BORA: variants seen among roughly 807,000 people sequenced by gnomAD.
The protein encoded by BORA is protein aurora borealis.
In BORA, 26 loss-of-function variants were observed where a neutral mutation model predicts 55.8. That is an observed-to-expected ratio of 0.47 (90% confidence interval 0.34 to 0.65). The LOEUF is 0.65. Ranked by LOEUF, BORA falls within the 30% of genes least tolerant of loss-of-function variation. The pLI, the probability that BORA is intolerant of heterozygous loss-of-function variation, is 0.01. For synonymous variants in BORA, 201 were observed against 216.9 expected, an observed-to-expected ratio of 0.93 and a Z score of 0.64; for missense variants, 568 against 671.5, an observed-to-expected ratio of 0.85 and a Z score of 1.70.
intron 1 of BORA, 150 bp downstream of exon 1, chr13:72,728,157 G>A (rs1415366387): frequency 1.6e-5 from 18 of 1,104,304 alleles, no homozygotes; most frequent in Non-Finnish European, 2.4e-5. Flanking sequence ...AGAAAGAGTG[G>A]CCACGTAGGG....
At position 72,737,999 on chromosome 13, in the gene BORA, C is replaced by T; in HGVS notation, c.344C>T (p.Thr115Ile). 1.2e-6 allele frequency: 2 copies of T among 1,601,956 alleles called. No individual in the cohort carries two copies. The highest frequency in any genetic ancestry group is 2.3e-5 in the East Asian group (1 of 44,250). Reference sequence around the variant, plus strand: ...GATGTCATCGTACCCTCTCCTTGGACTGATCATGAAGGGAAACAGCTTTCA... The same window carrying T: ...GATGTCATCGTACCCTCTCCTTGGATTGATCATGAAGGGAAACAGCTTTCA... ...TKDVIVPSPWTDHEGKQLSQC... is the reference protein window; with the variant it reads ...TKDVIVPSPWIDHEGKQLSQC... The change falls in exon 5 of 12, where the codon ACT becomes ATT. Residue 115 changes from threonine to isoleucine, a missense_variant. Coordinates refer to ENST00000390667, the MANE Select transcript of BORA (RefSeq NM_024808.5).
At chr13:72,738,076 CAAA>C (rs1566221790) in intron 5 of BORA, 33 bp downstream of exon 5, 6 of 1,490,480 alleles carry the variant, frequency 4.0e-6, no homozygotes, top group Admixed American at 1.8e-5. Context: ...GAATAAAAAT[CAAA>C]AAAGTCGGTG....
rs77357070 is a variant in BORA, at chr13:72,739,697, C to T, written c.388+1654C>T. On this transcript the variant is annotated intron_variant, in intron 5 of 11. Transcript: ENST00000390667. ...TGGTGAAAACCCATTGTGTGTCCAC[C>T]AGCCACCTGGGTATTTTAATTTAGA... 2.4e-3 allele frequency among the ~76,000 whole-genome samples: 366 copies of T among 152,222 alleles called. 2 individuals are homozygous for T. The highest frequency in any genetic ancestry group is 8.5e-3 in the African/African-American group (355 of 41,546).
At position 72,744,572 on chromosome 13, in the gene BORA, T is replaced by A; in HGVS notation, c.511+11T>A. ...TAGAAAATATATTAGGTAAATACTG[T>A]ATTTGTTTAAACTTTTAATAACTTG... On this transcript the variant is annotated intron_variant, in intron 7 of 11. Transcript: ENST00000390667. 2 of 1,579,980 alleles carry A rather than the reference T, an allele frequency of 1.3e-6. No individual in the cohort carries two copies. Among genetic ancestry groups the A allele is most frequent in the Non-Finnish European group, 1.7e-6 (2 of 1,153,426 alleles).
intron 10 of BORA, among the ~76,000 whole-genome samples, chr13:72,749,180 T>G (rs1294837758): frequency 6.6e-6 from 1 of 152,216 alleles, no homozygotes; most frequent in Non-Finnish European, 1.5e-5. Context: ...AGAAATGTCC[T>G]TCAGAGTTTG....
intron 4 of BORA, among the ~76,000 whole-genome samples, chr13:72,736,805 A>G (rs1209804738): frequency 2.0e-5 from 3 of 151,806 alleles, no homozygotes; most frequent in African/African-American, 4.8e-5. Flanking sequence ...TTGATTTTCC[A>G]TATCTCCAAT....
In BORA at chr13:72,746,523, T is replaced by C. The variant is rs1316152466; in HGVS notation, c.894T>C (p.His298=). The change falls in exon 10 of 12, where the codon CAT becomes CAC. Residue 298 remains histidine, a synonymous_variant. Coordinates refer to ENST00000390667, the MANE Select transcript of BORA (RefSeq NM_024808.5). ...CAGAACAAAGGAAGTTTACTGTTCA[T>C]TCTCCTGATGCTTCATCTGGAACAA... ...PLSEQRKFTV[H]SPDASSGTNS... 7 of 1,612,302 alleles carry C rather than the reference T, an allele frequency of 4.3e-6. No individual in the cohort carries two copies. The highest frequency in any genetic ancestry group is 5.9e-6 in the Non-Finnish European group (7 of 1,178,660).
At chr13:72,744,384 C>G in intron 6 of BORA, 121 bp from the exon 7 acceptor site, 1 of 813,098 alleles carries the variant, frequency 1.2e-6, no homozygotes, top group Non-Finnish European at 2.0e-6. Context: ...ATGAATAATT[C>G]CATTTGGCTG....
At chr13:72,754,581 C>T (rs1375936257) in intron 11 of BORA, 1 of 152,218 alleles carries the variant, frequency 6.6e-6, no homozygotes, top group Non-Finnish European at 1.5e-5. Flanking sequence ...GTAGTAGGAG[C>T]AAACTGCCTT....
intron 3 of BORA, 41 bp downstream of exon 3, chr13:72,731,428 C>T (rs2032814399): frequency 7.4e-7 from 1 of 1,359,560 alleles, no homozygotes; most frequent in South Asian, 1.2e-5. Context: ...ATAACACTCT[C>T]AAGTGAAGAG....
chr13:72,755,622 C>T lies in BORA; in HGVS notation c.*406C>T, dbSNP rs1002567342. 1.4e-5 allele frequency: 5 copies of T among 362,212 alleles called. No individual in the cohort carries two copies. The highest frequency in any genetic ancestry group is 8.3e-5 in the African/African-American group (4 of 47,964). The allele number at this position is 362,212 out of a possible 1,614,324, so 22.4% of individuals were successfully genotyped here. A position where few individuals can be genotyped will look rare whatever the true frequency, so the allele number is the denominator to read the frequency against. On this transcript the variant is annotated 3_prime_UTR_variant, in exon 12 of 12. Transcript: ENST00000390667. Reference sequence around the variant, plus strand: ...ATATATTTTTACATAAAAGCTTGAACATACAGATGAATTATAACCTATGTG... The same window carrying T: ...ATATATTTTTACATAAAAGCTTGAATATACAGATGAATTATAACCTATGTG...
rs147732779 is a variant in BORA at position 72,754,067 on chromosome 13, G to T, written c.1614+246G>T. ...TGAGGGCATTTACTGAACCTTCCAG[G>T]TGGTGGTTATATATTCATACTTGAA... On this transcript the variant is annotated intron_variant, in intron 11 of 11. Coordinates refer to ENST00000390667, the MANE Select transcript of BORA (RefSeq NM_024808.5). 8.8e-3 allele frequency: 3,099 copies of T among 353,642 alleles called. 22 individuals are homozygous for T. The highest frequency in any genetic ancestry group is 0.013 in the Non-Finnish European group (2,462 of 195,922). The allele number at this position is 353,642 out of a possible 1,614,324, so 21.9% of individuals were successfully genotyped here. A position where few individuals can be genotyped will look rare whatever the true frequency, so the allele number is the denominator to read the frequency against.
In BORA at chr13:72,756,096, A is replaced by C; in HGVS notation, c.*880A>C. ...CATGTTGGGAGTAGATGGGTATATA[A>C]CAGTTTGGAAATACTATCTTTGGAG... On this transcript the variant is annotated 3_prime_UTR_variant, in exon 12 of 12. Transcript: ENST00000390667. 2 of 397,162 alleles carry C rather than the reference A, an allele frequency of 5.0e-6. No homozygotes were observed. Among genetic ancestry groups the C allele is most frequent in the Non-Finnish European group, 8.9e-6 (2 of 225,544 alleles). The allele number at this position is 397,162 out of a possible 1,614,324, so 24.6% of individuals were successfully genotyped here. A position where few individuals can be genotyped will look rare whatever the true frequency, so the allele number is the denominator to read the frequency against.
rs1485287252 is a variant in BORA, at chr13:72,727,946, A to G, written c.-77A>G. On this transcript the variant is annotated 5_prime_UTR_variant, in exon 1 of 12. Coordinates refer to ENST00000390667, the MANE Select transcript of BORA (RefSeq NM_024808.5). ...TTAAAGAGTCTATGCCTGTCGTGGA[A>G]GCTGGCCTGGCCCCCGGAGCTCCCT... The G allele has an allele frequency of 1.9e-6, 3 of 1,550,498 alleles. No homozygotes were observed. In the Admixed American group the frequency reaches 5.9e-5, roughly 30 times the overall value.
chr13:72,748,096 T>C (rs2138097172), intron 10 of BORA, among the ~76,000 whole-genome samples: 1 of 152,300 alleles, frequency 6.6e-6, no homozygotes, highest in East Asian at 1.9e-4. Flanking sequence ...AGCAATAACA[T>C]CTAACACTAA....
chr13:72,737,908 G>A (rs567427551), intron 4 of BORA, 54 bp from the exon 5 acceptor site: 21 of 1,169,026 alleles, frequency 1.8e-5, no homozygotes, highest in East Asian at 5.3e-5. Flanking sequence ...CACAGGTACC[G>A]TCTCACATTT....
intron 11 of BORA, 177 bp from the exon 12 acceptor site, chr13:72,754,974 A>C: frequency 1.8e-6 from 1 of 552,312 alleles, no homozygotes; most frequent in Non-Finnish European, 3.2e-6. Context: ...TTGGCCTCTC[A>C]AAGTGTTGGG....
chr13:72,729,825 T>C (rs1295619216), intron 2 of BORA, among the ~76,000 whole-genome samples: 1 of 152,240 alleles, frequency 6.6e-6, no homozygotes, highest in Non-Finnish European at 1.5e-5. Flanking sequence ...AACTAACCCC[T>C]ATTTTAATGT....
chr13:72,742,767 T>C (rs7992126), intron 5 of BORA, among the ~76,000 whole-genome samples: 202 of 141,706 alleles, frequency 1.4e-3, no homozygotes, highest in African/African-American at 5.1e-3. Context: ...TATATATATA[T>C]ACACACACAC....
Sources: gnomAD v4.1 joint callset for allele counts (sites outside exome capture counted in the v4.1 genomes callset) on GRCh38, gnomAD v4.1.1 for gene constraint, MANE v1.5 for transcripts, NCBI Gene and HGNC (gene_info 2026-07-23, HGNC 2026-07-21) for gene names.